Variants in STAU2 observed in about 807,000 individuals in gnomAD.
STAU2 encodes double-stranded RNA-binding protein Staufen homolog 2.
Under a neutral mutation model 65.9 loss-of-function variants are expected in STAU2, and 20 were observed. The observed-to-expected ratio is 0.30, with a 90% CI of 0.21 to 0.44. STAU2 has a LOEUF of 0.44. Ranked by LOEUF, STAU2 falls within the 20% of genes least tolerant of loss-of-function variation. The pLI is 1.00. For missense variants in STAU2, 558 were observed against 683.9 expected (o/e 0.82, Z 2.05); for synonymous variants, 232 against 233.9 (o/e 0.99, Z 0.07).
At chr8:73,421,546 G>T in intron 14 of STAU2, 81 bp from the exon 15 acceptor site, 1 of 1,309,188 alleles carries the variant, frequency 7.6e-7, no homozygotes, top group Admixed American at 2.1e-5. Flanking sequence ...ATGGCACAGA[G>T]GATTCAAAGG....
intron 13 of STAU2, among the ~76,000 whole-genome samples, chr8:73,483,285 A>C (rs1820735949): frequency 1.3e-5 from 2 of 152,176 alleles, no homozygotes; most frequent in African/African-American, 4.8e-5. Flanking sequence ...AAGAACTTAA[A>C]GAAATCAGGG....
At chr8:73,744,009 A>T (rs1231781286) in intron 1 of STAU2, among the ~76,000 whole-genome samples, 1 of 151,748 alleles carries the variant, frequency 6.6e-6, no homozygotes, top group Non-Finnish European at 1.5e-5. Flanking sequence ...TGACCTCCTG[A>T]TCCACCTGCC....
chr8:73,613,862 T>C lies in STAU2; in HGVS notation c.773A>G (p.Lys258Arg). Residue 258 changes from lysine to arginine, a missense_variant, in exon 9 of 15, where the codon AAA becomes AGA. Physicochemically the swap from Lys to Arg is conservative, Grantham distance 26 (BLOSUM62 2). Around this residue, in one of 3 missense-constraint regions of STAU2, gnomAD observed 199 missense variants for 299.5 expected, o/e 0.66. Coordinates refer to ENST00000524300, the MANE Select transcript of STAU2 (RefSeq NM_001164380.2). The part of the protein sequence containing the change: ...FSAEGEGNSK[K>R]LSKKRAATTV... ...GGTCGCAGCGCGCTTCTTGGAGAGT[T>C]TTTTGCTATTTCCTTCTCCTTCTGC... The C allele has an allele frequency of 6.2e-7, 1 of 1,613,846 alleles. No individual in the cohort carries two copies. Among genetic ancestry groups the C allele is most frequent in the Admixed American group, 1.7e-5 (1 of 59,986 alleles).
chr8:73,650,329 A>G (rs12546954), intron 6 of STAU2, among the ~76,000 whole-genome samples: 82,751 of 151,864 alleles, frequency 0.54, 25,000 homozygotes, highest in Non-Finnish European at 0.69. Flanking sequence ...AACCACAACT[A>G]TAATTTTTTA....
chr8:73,676,643 T>A (rs1175688257), intron 5 of STAU2, among the ~76,000 whole-genome samples: 1 of 152,238 alleles, frequency 6.6e-6, no homozygotes, highest in Non-Finnish European at 1.5e-5. Flanking sequence ...TCACCCAGGC[T>A]AGAGTGCAGT....
At chr8:73,491,337 T>C (rs1821144357) in intron 13 of STAU2, among the ~76,000 whole-genome samples, 2 of 152,006 alleles carry the variant, frequency 1.3e-5, no homozygotes, top group Non-Finnish European at 2.9e-5. Flanking sequence ...TCAAAGATTT[T>C]GCTCTGTGGG....
intron 1 of STAU2, among the ~76,000 whole-genome samples, chr8:73,742,769 C>A (rs141510904): frequency 7.2e-5 from 11 of 151,984 alleles, no homozygotes; most frequent in African/African-American, 2.7e-4. Context: ...AATGGCCCAA[C>A]CTGTAACTGC....
chr8:73,696,382 G>C (rs1468879388), intron 4 of STAU2, among the ~76,000 whole-genome samples: 1 of 152,148 alleles, frequency 6.6e-6, no homozygotes, highest in Non-Finnish European at 1.5e-5. Context: ...CTAACCAAAT[G>C]AACTAATATA....
intron 13 of STAU2, chr8:73,438,788 G>A (rs140611200): frequency 6.3e-4 from 233 of 369,846 alleles, no homozygotes; most frequent in African/African-American, 4.4e-3. Context: ...GGTTAGGCCC[G>A]CTAACGGGGA....
intron 6 of STAU2, among the ~76,000 whole-genome samples, chr8:73,625,736 T>A (rs868284019): frequency 9.2e-5 from 14 of 152,320 alleles, no homozygotes; most frequent in Middle Eastern, 3.4e-3. Flanking sequence ...ATCATTTTTT[T>A]AAAAAATGTT....
At chr8:73,587,213 G>T (rs1810440884) in intron 11 of STAU2, among the ~76,000 whole-genome samples, 1 of 151,914 alleles carries the variant, frequency 6.6e-6, no homozygotes, top group African/African-American at 2.4e-5. Flanking sequence ...TTCCAATTTA[G>T]AATTACAGCT....
chr8:73,501,737 A>G (rs1821764977), intron 13 of STAU2, among the ~76,000 whole-genome samples: 1 of 152,070 alleles, frequency 6.6e-6, no homozygotes, highest in African/African-American at 2.4e-5. Flanking sequence ...ATAAAATTCA[A>G]CAAGTATTTC....
At chr8:73,569,073 G>A (rs1563428319) in intron 12 of STAU2, among the ~76,000 whole-genome samples, 1 of 152,112 alleles carries the variant, frequency 6.6e-6, no homozygotes, top group Non-Finnish European at 1.5e-5. Context: ...GGGAAGCTGT[G>A]ACAGATGGTA....
chr8:73,486,728 C>A (rs971372378), intron 13 of STAU2, among the ~76,000 whole-genome samples: 10 of 150,902 alleles, frequency 6.6e-5, no homozygotes, highest in African/African-American at 2.4e-4. Flanking sequence ...TTATGGCTCA[C>A]TGCAGCCTTT....
intron 3 of STAU2, among the ~76,000 whole-genome samples, chr8:73,737,408 T>C (rs1418300582): frequency 6.6e-6 from 1 of 152,120 alleles, no homozygotes; most frequent in Admixed American, 6.5e-5. Flanking sequence ...CGACCTCAGG[T>C]GATCTGCCCG....
intron 6 of STAU2, among the ~76,000 whole-genome samples, chr8:73,630,349 A>G (rs1365726226): frequency 6.6e-6 from 1 of 152,246 alleles, no homozygotes; most frequent in Non-Finnish European, 1.5e-5. Flanking sequence ...ACCCTGAGGT[A>G]AAACACAGCA....
chr8:73,520,112 G>A (rs1238933399), intron 13 of STAU2, among the ~76,000 whole-genome samples: 2 of 152,192 alleles, frequency 1.3e-5, no homozygotes, highest in Non-Finnish European at 2.9e-5. Flanking sequence ...TGGTAACTCA[G>A]GACTGCTAGA....
intron 13 of STAU2, among the ~76,000 whole-genome samples, chr8:73,484,811 T>C (rs192638863): frequency 1.5e-3 from 221 of 152,210 alleles, no homozygotes; most frequent in African/African-American, 4.9e-3. Context: ...CAAACTCAGA[T>C]GTGAGCACAC....
intron 4 of STAU2, among the ~76,000 whole-genome samples, chr8:73,707,998 G>T (rs552147641): frequency 2.0e-5 from 3 of 152,186 alleles, no homozygotes; most frequent in Non-Finnish European, 4.4e-5. Flanking sequence ...TCTGAGAAAT[G>T]CAAACAGTTC....
Sources: gnomAD v4.1 joint callset for allele counts (sites outside exome capture counted in the v4.1 genomes callset) on GRCh38, gnomAD v4.1.1 for gene constraint, gnomAD v4.1.1 regional missense constraint, MANE v1.5 for transcripts, NCBI Gene and HGNC (gene_info 2026-07-23, HGNC 2026-07-21) for gene names.